The following CMSS1 variants were observed in gnomAD, a reference collection of about 807,000 sequenced individuals.
CMSS1 encodes the protein cms1 ribosomal small subunit homolog.
In CMSS1, 33 loss-of-function variants were observed where a neutral mutation model predicts 43.5. The ratio of observed to expected loss-of-function variants is 0.76; its 90% CI spans 0.57 to 1.01. CMSS1 has a LOEUF of 1.01. Ranked by LOEUF, CMSS1 falls within the 50% of genes least tolerant of loss-of-function variation. The probability of loss-of-function intolerance (pLI) is 0.00; values close to 1 mark genes in which losing one functional copy is unlikely to be tolerated. For synonymous variants in CMSS1, 115 were observed against 117.2 expected (o/e 0.98, Z 0.12); for missense variants, 313 against 326.4 (o/e 0.96, Z 0.32).
At chr3:99,997,235 A>G (rs1173723484) in intron 1 of CMSS1, among the ~76,000 whole-genome samples, 1 of 152,214 alleles carries the variant, frequency 6.6e-6, no homozygotes, top group African/African-American at 2.4e-5. Context: ...CTAACCAAGA[A>G]GAAGGTCCAA....
At chr3:100,062,349 G>T (rs910105078) in intron 1 of CMSS1, among the ~76,000 whole-genome samples, 1 of 151,820 alleles carries the variant, frequency 6.6e-6, no homozygotes, top group African/African-American at 2.4e-5. Context: ...CTGACCTCGC[G>T]ATCCACCCGT....
At chr3:100,070,753 T>A (rs1002702997) in intron 1 of CMSS1, among the ~76,000 whole-genome samples, 1 of 152,098 alleles carries the variant, frequency 6.6e-6, no homozygotes, top group Non-Finnish European at 1.5e-5. Flanking sequence ...TGCCTCAGCC[T>A]CCCAAGTAGC....
chr3:99,849,149 A>T lies in CMSS1; in HGVS notation c.64+31106A>T, dbSNP rs1165591485. 6 of 1,614,058 alleles carry T rather than the reference A, an allele frequency of 3.7e-6. No homozygotes were observed. In the East Asian group the frequency reaches 1.1e-4, roughly 30 times the overall value. On this transcript the variant is annotated intron_variant, in intron 1 of 9. Coordinates refer to ENST00000421999, the MANE Select transcript of CMSS1 (RefSeq NM_032359.4). Reference sequence around the variant, plus strand: ...TGGCTGCATTTGAAGGACAGCACAGATCCCTCATCATTAGGGTCCTCGTCT... The same window carrying T: ...TGGCTGCATTTGAAGGACAGCACAGTTCCCTCATCATTAGGGTCCTCGTCT...
At chr3:100,007,998 G>A (rs1306736807) in intron 1 of CMSS1, among the ~76,000 whole-genome samples, 1 of 152,124 alleles carries the variant, frequency 6.6e-6, no homozygotes, top group Non-Finnish European at 1.5e-5. Flanking sequence ...ATAGGTTATG[G>A]TTGTTTTCCC....
At chr3:100,175,929 C>T (rs1298198294) in intron 8 of CMSS1, among the ~76,000 whole-genome samples, 1 of 152,188 alleles carries the variant, frequency 6.6e-6, no homozygotes, top group Non-Finnish European at 1.5e-5. Context: ...CCCCACTCAC[C>T]TCCTGAGAGC....
At chr3:100,004,724 C>T (rs981107238) in intron 1 of CMSS1, among the ~76,000 whole-genome samples, 3 of 152,048 alleles carry the variant, frequency 2.0e-5, no homozygotes, top group African/African-American at 7.2e-5. Flanking sequence ...AGTGATAATA[C>T]CTAAAAGGTA....
At chr3:99,993,233 A>G (rs1219435482) in intron 1 of CMSS1, among the ~76,000 whole-genome samples, 2 of 151,950 alleles carry the variant, frequency 1.3e-5, no homozygotes, top group Non-Finnish European at 2.9e-5. Context: ...TACATTGAAT[A>G]TTATTAAAAT....
chr3:99,850,685 T>C (rs1241815152), intron 1 of CMSS1: 1 of 1,613,140 alleles, frequency 6.2e-7, no homozygotes, highest in Non-Finnish European at 8.5e-7. Flanking sequence ...ATCTGCCGGC[T>C]GAGTGCTGCC....
chr3:100,076,279 T>G (rs1471666750), intron 1 of CMSS1, among the ~76,000 whole-genome samples: 2 of 152,160 alleles, frequency 1.3e-5, no homozygotes, highest in Non-Finnish European at 2.9e-5. Context: ...GTAAATATAT[T>G]TTTCCCTCTC....
intron 1 of CMSS1, among the ~76,000 whole-genome samples, chr3:100,029,944 G>A (rs2064995664): frequency 1.3e-5 from 2 of 152,148 alleles, no homozygotes; most frequent in Non-Finnish European, 2.9e-5. Context: ...CAGCCCAGGT[G>A]TGACATGAGT....
At chr3:100,113,913 C>T (rs183388070) in intron 1 of CMSS1, 1 of 152,264 alleles carries the variant, frequency 6.6e-6, no homozygotes, top group East Asian at 1.9e-4. Context: ...CTGTCATAAG[C>T]TCTTAATCAT....
intron 1 of CMSS1, among the ~76,000 whole-genome samples, chr3:100,118,425 C>T (rs527863154): frequency 2.6e-5 from 4 of 152,122 alleles, no homozygotes; most frequent in East Asian, 1.9e-4. Flanking sequence ...GACTTTTCAC[C>T]TCCTGATCAG....
chr3:100,178,276 C>G, intron 9 of CMSS1, 29 bp from the exon 10 acceptor site: 1 of 1,478,866 alleles, frequency 6.8e-7, no homozygotes, highest in Non-Finnish European at 9.4e-7. Flanking sequence ...TGATCTTAAT[C>G]TTTTTTTCCC....
At chr3:100,122,413 A>G (rs914618763) in intron 1 of CMSS1, among the ~76,000 whole-genome samples, 1 of 152,238 alleles carries the variant, frequency 6.6e-6, no homozygotes, top group Non-Finnish European at 1.5e-5. Flanking sequence ...ACTGGCACCC[A>G]GGGTACTTCT....
intron 1 of CMSS1, among the ~76,000 whole-genome samples, chr3:99,864,948 A>G (rs759438996): frequency 6.6e-6 from 1 of 152,228 alleles, no homozygotes; most frequent in African/African-American, 2.4e-5. Flanking sequence ...TTAGTCAATC[A>G]TTGGTCTATT....
At chr3:99,902,218 A>AT (rs1047643685) in intron 1 of CMSS1, among the ~76,000 whole-genome samples, 1 of 152,098 alleles carries the variant, frequency 6.6e-6, no homozygotes, top group Non-Finnish European at 1.5e-5. Context: ...ACCATGTGAC[A>AT]TTTTTTTGAG....
chr3:99,992,611 G>C (rs1046807144), intron 1 of CMSS1, among the ~76,000 whole-genome samples: 5 of 151,952 alleles, frequency 3.3e-5, no homozygotes, highest in Admixed American at 1.3e-4. Flanking sequence ...CCATTCTATA[G>C]ATGGTCTTTT....
At chr3:99,990,106 C>T (rs1709469064) in intron 1 of CMSS1, among the ~76,000 whole-genome samples, 1 of 152,118 alleles carries the variant, frequency 6.6e-6, no homozygotes, top group South Asian at 2.1e-4. Context: ...ATATATTGAA[C>T]TTATATTTAC....
At chr3:100,033,413 C>A (rs530095841) in intron 1 of CMSS1, among the ~76,000 whole-genome samples, 18 of 152,304 alleles carry the variant, frequency 1.2e-4, no homozygotes, top group African/African-American at 4.1e-4. Flanking sequence ...ATTCCCAAAT[C>A]CCCTTTGAAA....
Sources: allele counts gnomAD v4.1 joint callset (sites outside exome capture counted in the v4.1 genomes callset), GRCh38; gene constraint gnomAD v4.1.1; transcripts MANE v1.5; gene names NCBI Gene and HGNC (gene_info 2026-07-23, HGNC 2026-07-21).